Variants in RASSF3 observed in about 807,000 individuals in gnomAD.
RASSF3 encodes Ras association domain family member 3.
In RASSF3, 19 loss-of-function variants were observed where a neutral mutation model predicts 19.9. That is an observed-to-expected ratio of 0.96 (90% CI 0.67 to 1.40). The LOEUF is 1.40. RASSF3 is among the 40% of genes most tolerant of loss of function. The pLI is 0.00. For synonymous variants in RASSF3, 110 were observed against 104.2 expected, an observed-to-expected ratio of 1.06 and a Z score of -0.34; for missense variants, 306 against 289.8, an observed-to-expected ratio of 1.06 and a Z score of -0.41.
chr12:64,679,431 T>A (rs894354254), intron 1 of RASSF3, among the ~76,000 whole-genome samples: 1 of 152,256 alleles, frequency 6.6e-6, no homozygotes, highest in Non-Finnish European at 1.5e-5. Context: ...AATTTTGATA[T>A]AATTTCACAG....
intron 1 of RASSF3, among the ~76,000 whole-genome samples, chr12:64,677,783 C>T (rs1029303670): frequency 4.6e-5 from 7 of 152,154 alleles, no homozygotes; most frequent in South Asian, 4.1e-4. Flanking sequence ...CATCACAGGG[C>T]GGTCTCCACT....
chr12:64,584,879 CTTT>C (rs34522445), intron 2 of RASSF3, among the ~76,000 whole-genome samples: 29 of 80,820 alleles, frequency 3.6e-4, no homozygotes, highest in African/African-American at 1.2e-3. Flanking sequence ...CAGAAGGATT[CTTT>C]TTTTTTTTTT....
intron 2 of RASSF3, among the ~76,000 whole-genome samples, chr12:64,546,887 AACT>A (rs1869073143): frequency 1.3e-5 from 2 of 152,146 alleles, no homozygotes; most frequent in African/African-American, 4.8e-5. Flanking sequence ...TTTAAGCAGA[AACT>A]CCTAGAAGCT....
At chr12:64,528,514 C>T (rs557808756), upstream of RASSF3, among the ~76,000 whole-genome samples, 5 of 152,260 alleles carry the variant, frequency 3.3e-5, no homozygotes, top group East Asian at 9.6e-4. Flanking sequence ...GCTCTTTATT[C>T]CACATCAACC....
chr12:64,671,414 A>G (rs1592459777), intron 1 of RASSF3, among the ~76,000 whole-genome samples: 1 of 151,382 alleles, frequency 6.6e-6, no homozygotes, highest in East Asian at 1.9e-4. Flanking sequence ...ATGCATGTTC[A>G]CTCCTTACTC....
At chr12:64,684,258 G>A (rs1373850509) in intron 1 of RASSF3, among the ~76,000 whole-genome samples, 1 of 150,578 alleles carries the variant, frequency 6.6e-6, no homozygotes, top group Non-Finnish European at 1.5e-5. Flanking sequence ...GCTAATTTTT[G>A]TATTTTTTGT....
At chr12:64,518,370 T>C (rs1326744917) in intron 1 of RASSF3, among the ~76,000 whole-genome samples, 1 of 152,228 alleles carries the variant, frequency 6.6e-6, no homozygotes, top group Non-Finnish European at 1.5e-5. Flanking sequence ...TGCTGACATC[T>C]GCTCCTGTGA....
intron 1 of RASSF3, among the ~76,000 whole-genome samples, chr12:64,676,304 A>G (rs1318311380): frequency 1.3e-5 from 2 of 150,106 alleles, no homozygotes; most frequent in Non-Finnish European, 1.5e-5. Context: ...GGTCTGAGGG[A>G]CTACAGGCAT....
chr12:64,561,134 A>G (rs1375218298), intron 2 of RASSF3, among the ~76,000 whole-genome samples: 2 of 152,176 alleles, frequency 1.3e-5, no homozygotes, highest in Admixed American at 6.5e-5. Flanking sequence ...AGCTGTGGCC[A>G]TTAGTCAATT....
At chr12:64,588,667 A>C (rs938060691) in intron 2 of RASSF3, among the ~76,000 whole-genome samples, 1 of 152,152 alleles carries the variant, frequency 6.6e-6, no homozygotes, top group African/African-American at 2.4e-5. Flanking sequence ...TTCATAAACA[A>C]TATGGTATAT....
At chr12:64,653,578 T>TC (rs1403659427) in intron 1 of RASSF3, among the ~76,000 whole-genome samples, 1 of 152,092 alleles carries the variant, frequency 6.6e-6, no homozygotes, top group African/African-American at 2.4e-5. Flanking sequence ...TCTTTTTTTT[T>TC]TTTTGAGACT....
chr12:64,684,950 GT>G, intron 2 of RASSF3, 56 bp downstream of exon 2: 5 of 1,007,556 alleles, frequency 5.0e-6, no homozygotes, highest in Non-Finnish European at 7.9e-6. Context: ...AATATAAATT[GT>G]TGGTACTACA....
At chr12:64,583,360 G>A (rs552338798) in intron 2 of RASSF3, among the ~76,000 whole-genome samples, 2 of 152,276 alleles carry the variant, frequency 1.3e-5, no homozygotes, top group South Asian at 2.1e-4. Flanking sequence ...AGTGGCTCAC[G>A]CCTGTAATCC....
chr12:64,552,441 A>G (rs1869181060), intron 2 of RASSF3, among the ~76,000 whole-genome samples: 1 of 152,118 alleles, frequency 6.6e-6, no homozygotes, highest in Non-Finnish European at 1.5e-5. Context: ...GATGTGTGCC[A>G]TGGCAGTTTG....
intron 2 of RASSF3, among the ~76,000 whole-genome samples, chr12:64,571,167 C>T (rs554129834): frequency 2.6e-5 from 4 of 151,988 alleles, no homozygotes; most frequent in East Asian, 3.9e-4. Context: ...GCCGAGATCG[C>T]GCCATTACAC....
At chr12:64,619,746 C>T (rs1345087129) in intron 1 of RASSF3, among the ~76,000 whole-genome samples, 1 of 151,970 alleles carries the variant, frequency 6.6e-6, no homozygotes, top group Non-Finnish European at 1.5e-5. Flanking sequence ...CATTGGGAGG[C>T]CAAGGCGGGC....
chr12:64,586,434 G>T (rs964880439), intron 2 of RASSF3, among the ~76,000 whole-genome samples: 1 of 128,574 alleles, frequency 7.8e-6, no homozygotes, highest in African/African-American at 3.0e-5. Flanking sequence ...AGGTTGCAGT[G>T]AACTGAGATT....
chr12:64,519,842 G>A (rs60813644), intron 1 of RASSF3, among the ~76,000 whole-genome samples: 4,701 of 152,070 alleles, frequency 0.031, 222 homozygotes, highest in African/African-American at 0.1. Flanking sequence ...ATATGTGTAT[G>A]TATTTATATA....
chr12:64,557,871 T>G (rs1869279520), intron 2 of RASSF3, among the ~76,000 whole-genome samples: 1 of 152,186 alleles, frequency 6.6e-6, no homozygotes, highest in Non-Finnish European at 1.5e-5. Context: ...GGTCCACTCC[T>G]GCACCTCCTG....
Sources: allele counts gnomAD v4.1 joint callset (sites outside exome capture counted in the v4.1 genomes callset), GRCh38; gene constraint gnomAD v4.1.1; transcripts MANE v1.5; gene names NCBI Gene and HGNC (gene_info 2026-07-23, HGNC 2026-07-21).